The following NR6A1 variants were observed in gnomAD, a reference collection of about 807,000 sequenced individuals.
NR6A1 encodes the protein nuclear receptor subfamily 6 group A member 1.
A neutral mutation model predicts 59.1 loss-of-function variants in NR6A1; 7 were observed. That is an observed-to-expected ratio of 0.12 (90% confidence interval 0.07 to 0.22). The LOEUF is 0.22. NR6A1 is among the 10% of genes least tolerant of loss of function. NR6A1 has a pLI of 1.00. For synonymous variants in NR6A1, 243 were observed against 236.1 expected, an observed-to-expected ratio of 1.03 and a Z score of -0.27; for missense variants, 468 against 611.6, an observed-to-expected ratio of 0.77 and a Z score of 2.48.
At chr9:124,737,844 GA>G (rs1338047314) in intron 1 of NR6A1, among the ~76,000 whole-genome samples, 2 of 151,664 alleles carry the variant, frequency 1.3e-5, no homozygotes, top group African/African-American at 4.8e-5. Flanking sequence ...CAGCCTGGGG[GA>G]AAGAGCAAGA....
At chr9:124,758,947 C>A (rs78916205) in intron 1 of NR6A1, among the ~76,000 whole-genome samples, 2,497 of 152,232 alleles carry the variant, frequency 0.016, 76 homozygotes, top group East Asian at 0.15. Context: ...TAATTTAGCT[C>A]CTCCATTTTT....
chr9:124,746,341 C>A (rs1840333101), intron 1 of NR6A1, among the ~76,000 whole-genome samples: 1 of 152,178 alleles, frequency 6.6e-6, no homozygotes, highest in Non-Finnish European at 1.5e-5. Context: ...GTAATCCCAG[C>A]ACTTTGGGAG....
At chr9:124,729,213 G>A (rs79061645) in intron 2 of NR6A1, among the ~76,000 whole-genome samples, 1,573 of 152,114 alleles carry the variant, frequency 0.01, 27 homozygotes, top group African/African-American at 0.036. Flanking sequence ...TCACGTATTT[G>A]GAAATTTAAA....
intron 1 of NR6A1, among the ~76,000 whole-genome samples, chr9:124,766,168 C>T (rs1459110919): frequency 6.6e-6 from 1 of 152,130 alleles, no homozygotes; most frequent in Non-Finnish European, 1.5e-5. Context: ...CAGTACCAAA[C>T]CACTTTCTTG....
chr9:124,691,596 T>C lies in NR6A1; in HGVS notation c.142+41712A>G, dbSNP rs1416144506. Among the ~76,000 whole-genome samples the C allele has an allele frequency of 3.9e-5, 6 of 152,350 alleles. No homozygotes were observed. The East Asian group carries it at 9.6e-4, about 24-fold the overall frequency. On this transcript the variant is annotated intron_variant, in intron 2 of 9. Transcript: ENST00000487099. ...ATAACCACTATGTCCTATAATGTAC[T>C]GGTATCGTTTCAGCCAGAACAAATG... is the stretch of plus-strand genomic sequence containing the variant.
intron 2 of NR6A1, among the ~76,000 whole-genome samples, chr9:124,580,998 T>C (rs1834749226): frequency 6.6e-6 from 1 of 152,094 alleles, no homozygotes; most frequent in South Asian, 2.1e-4. Context: ...CCTACAGCCA[T>C]CTGATCTTTG....
At chr9:124,699,346 A>C (rs1331404647) in intron 2 of NR6A1, among the ~76,000 whole-genome samples, 1 of 152,208 alleles carries the variant, frequency 6.6e-6, no homozygotes, top group Admixed American at 6.5e-5. Context: ...CCTTTTCTGC[A>C]TGTAAGTGTC....
At chr9:124,525,646 T>G (rs917157669) in intron 8 of NR6A1, among the ~76,000 whole-genome samples, 1 of 152,150 alleles carries the variant, frequency 6.6e-6, no homozygotes, top group African/African-American at 2.4e-5. Context: ...CATGAGCCAC[T>G]GTGCCTGGCC....
intron 1 of NR6A1, among the ~76,000 whole-genome samples, chr9:124,762,255 T>C (rs966933350): frequency 2.0e-5 from 3 of 152,214 alleles, no homozygotes; most frequent in Admixed American, 1.3e-4. Flanking sequence ...AAAATAAACC[T>C]ATGAAAAATT....
intron 2 of NR6A1, among the ~76,000 whole-genome samples, chr9:124,573,234 C>T (rs1588677515): frequency 6.6e-6 from 1 of 152,084 alleles, no homozygotes; most frequent in Admixed American, 6.6e-5. Flanking sequence ...CTGAAGAGAG[C>T]TGTGAACGCT....
chr9:124,705,214 T>G (rs1307858911), intron 2 of NR6A1, among the ~76,000 whole-genome samples: 1 of 152,158 alleles, frequency 6.6e-6, no homozygotes, highest in African/African-American at 2.4e-5. Context: ...TCACTGATAG[T>G]GCTGATGAAG....
Position 124,672,165 on chromosome 9 carries a change from G to A in NR6A1, c.142+61143C>T, listed in dbSNP as rs148741500. Among the ~76,000 whole-genome samples, 193 of 152,228 alleles carry A rather than the reference G, an allele frequency of 1.3e-3. 3 individuals are homozygous for A. The highest frequency in any genetic ancestry group is 4.1e-3 in the African/African-American group (171 of 41,532). On this transcript the variant is annotated intron_variant, in intron 2 of 9. Coordinates refer to ENST00000487099, the MANE Select transcript of NR6A1 (RefSeq NM_033334.4). ...CCTTATTACTACTGTGCAGTATTCCGTTATATGTATTCTCCCACACTTATT... is the reference window on the plus strand; with the variant it reads ...CCTTATTACTACTGTGCAGTATTCCATTATATGTATTCTCCCACACTTATT...
intron 1 of NR6A1, among the ~76,000 whole-genome samples, chr9:124,742,561 A>G (rs1019763933): frequency 6.6e-6 from 1 of 151,786 alleles, no homozygotes; most frequent in African/African-American, 2.4e-5. Context: ...ACTTCGTCTC[A>G]AAAAATAAAA....
chr9:124,668,559 C>G (rs1243233163), intron 2 of NR6A1, among the ~76,000 whole-genome samples: 1 of 152,004 alleles, frequency 6.6e-6, no homozygotes, highest in Non-Finnish European at 1.5e-5. Flanking sequence ...CACCTATAAT[C>G]TCACTCACAG....
intron 2 of NR6A1, among the ~76,000 whole-genome samples, chr9:124,670,346 G>C (rs150561396): frequency 3.5e-4 from 54 of 152,268 alleles, no homozygotes; most frequent in African/African-American, 1.3e-3. Context: ...GGGCTATCAG[G>C]CCATTGTACT....
At position 124,525,712 on chromosome 9, in the gene NR6A1, C is replaced by T. The variant is rs550170932; in HGVS notation, c.1202-839G>A. Among the ~76,000 whole-genome samples, 1,270 of 145,642 alleles carry T rather than the reference C, an allele frequency of 8.7e-3. 17 individuals are homozygous for T. Among genetic ancestry groups the T allele is most frequent in the African/African-American group, 0.026 (1,044 of 40,064 alleles). On this transcript the variant is annotated intron_variant, in intron 8 of 9. Coordinates refer to ENST00000487099, the MANE Select transcript of NR6A1 (RefSeq NM_033334.4). Reference sequence around the variant, plus strand: ...CTCTCTCTCTCTCTATATATATATACACACACACACACCTTTTTTATATAT... The same window carrying T: ...CTCTCTCTCTCTCTATATATATATATACACACACACACCTTTTTTATATAT...
intron 2 of NR6A1, among the ~76,000 whole-genome samples, chr9:124,555,916 T>C (rs1833909832): frequency 6.6e-6 from 1 of 152,244 alleles, no homozygotes; most frequent in Non-Finnish European, 1.5e-5. Context: ...GATAATGACA[T>C]TCCTGAAAGG....
chr9:124,612,937 G>A (rs1417731074), intron 2 of NR6A1, among the ~76,000 whole-genome samples: 1 of 152,098 alleles, frequency 6.6e-6, no homozygotes, highest in African/African-American at 2.4e-5. Flanking sequence ...AAATGCCCAT[G>A]CCATTTAATA....
intron 7 of NR6A1, among the ~76,000 whole-genome samples, chr9:124,532,054 A>G (rs1046612881): frequency 2.0e-5 from 3 of 152,204 alleles, no homozygotes; most frequent in Admixed American, 6.5e-5. Context: ...CCAAGACTTA[A>G]TACTAGTTAC....
Sources: gnomAD v4.1 joint callset for allele counts (sites outside exome capture counted in the v4.1 genomes callset) on GRCh38, gnomAD v4.1.1 for gene constraint, MANE v1.5 for transcripts, NCBI Gene and HGNC (gene_info 2026-07-23, HGNC 2026-07-21) for gene names.